Variants in KCND2 observed in about 807,000 individuals in gnomAD.
The protein encoded by KCND2 is potassium voltage-gated channel subfamily D member 2, also known as A-type voltage-gated potassium channel KCND2.
Under a neutral mutation model 54.4 loss-of-function variants are expected in KCND2, and 16 were observed. That is an observed-to-expected ratio of 0.29 (90% CI 0.20 to 0.45). The LOEUF (loss-of-function observed/expected upper bound fraction) is 0.45. KCND2 is among the 20% of genes least tolerant of loss of function. The probability of loss-of-function intolerance (pLI) is 1.00; values close to 1 mark genes in which losing one functional copy is unlikely to be tolerated. For missense variants in KCND2, 486 were observed against 824.2 expected (o/e 0.59, Z 5.02); for synonymous variants, 317 against 310.7 (o/e 1.02, Z -0.21).
intron 1 of KCND2, among the ~76,000 whole-genome samples, chr7:120,711,424 A>G (rs1317570772): frequency 6.6e-6 from 1 of 152,204 alleles, no homozygotes; most frequent in Non-Finnish European, 1.5e-5. Context: ...AAAGATGCTT[A>G]AAGCAGTTTA....
chr7:120,731,724 AAG>A (rs1419122448), intron 1 of KCND2, among the ~76,000 whole-genome samples: 2 of 152,230 alleles, frequency 1.3e-5, no homozygotes, highest in Non-Finnish European at 2.9e-5. Flanking sequence ...TGGCTCTGGC[AAG>A]AAATGACCAC....
intron 1 of KCND2, among the ~76,000 whole-genome samples, chr7:120,605,814 A>T (rs1481165257): frequency 6.6e-6 from 1 of 152,150 alleles, no homozygotes; most frequent in Non-Finnish European, 1.5e-5. Flanking sequence ...TGTCCTTATG[A>T]CTAATGATAT....
At chr7:120,383,585 A>G (rs1341134106) in intron 1 of KCND2, among the ~76,000 whole-genome samples, 1 of 152,080 alleles carries the variant, frequency 6.6e-6, no homozygotes, top group Non-Finnish European at 1.5e-5. Flanking sequence ...AATGAGCAAG[A>G]GGTCTTAACT....
intron 2 of KCND2, 136 bp from the exon 3 acceptor site, chr7:120,741,398 T>C: frequency 1.5e-6 from 1 of 687,224 alleles, no homozygotes; most frequent in South Asian, 1.6e-5. Flanking sequence ...AGAGGTAATT[T>C]TCAATAGTTG....
At chr7:120,741,735 T>G (rs991231690) in intron 3 of KCND2, 106 bp downstream of exon 3, 1 of 803,084 alleles carries the variant, frequency 1.2e-6, no homozygotes, top group African/African-American at 1.7e-5. Flanking sequence ...ACAATGGCTA[T>G]CCAAACAACA....
chr7:120,426,614 G>C (rs1372937293), intron 1 of KCND2, among the ~76,000 whole-genome samples: 5 of 127,768 alleles, frequency 3.9e-5, no homozygotes, highest in Non-Finnish European at 8.0e-5. Flanking sequence ...TTTTGAGATG[G>C]AGTCTCGCTC....
At chr7:120,316,061 A>C (rs914204063) in intron 1 of KCND2, among the ~76,000 whole-genome samples, 1 of 152,198 alleles carries the variant, frequency 6.6e-6, no homozygotes, top group Non-Finnish European at 1.5e-5. Context: ...AAAAGGTGGA[A>C]ATATTTGTTT....
chr7:120,450,647 T>TG (rs1293398895), intron 1 of KCND2, among the ~76,000 whole-genome samples: 8 of 152,196 alleles, frequency 5.3e-5, no homozygotes, highest in African/African-American at 1.9e-4. Context: ...CCATGCCACA[T>TG]GATCTGACTT....
intron 1 of KCND2, among the ~76,000 whole-genome samples, chr7:120,695,359 A>G (rs1196186529): frequency 6.6e-6 from 1 of 152,144 alleles, no homozygotes; most frequent in Admixed American, 6.5e-5. Flanking sequence ...CTTAATTATA[A>G]GAAATATTTG....
At chr7:120,678,799 C>G (rs1032076680) in intron 1 of KCND2, among the ~76,000 whole-genome samples, 14 of 146,098 alleles carry the variant, frequency 9.6e-5, no homozygotes, top group African/African-American at 3.2e-4. Flanking sequence ...CACACATTCT[C>G]TATCAATGAG....
chr7:120,736,382 T>TGACA (rs113041030), intron 2 of KCND2, among the ~76,000 whole-genome samples: 11,894 of 151,954 alleles, frequency 0.078, 999 homozygotes, highest in African/African-American at 0.22. Context: ...GCCTAAACTG[T>TGACA]GACACCTCTC....
intron 1 of KCND2, among the ~76,000 whole-genome samples, chr7:120,661,816 T>C (rs1791869548): frequency 6.6e-6 from 1 of 152,176 alleles, no homozygotes; most frequent in Non-Finnish European, 1.5e-5. Context: ...GTTGAAATAG[T>C]GCCTGGAATG....
chr7:120,597,571 T>A (rs1043168015), intron 1 of KCND2, among the ~76,000 whole-genome samples: 1 of 152,148 alleles, frequency 6.6e-6, no homozygotes, highest in Non-Finnish European at 1.5e-5. Context: ...AATGGCCAAT[T>A]AAAGTGCATC....
intron 1 of KCND2, among the ~76,000 whole-genome samples, chr7:120,668,205 T>C (rs902950084): frequency 6.6e-6 from 1 of 151,998 alleles, no homozygotes; most frequent in Admixed American, 6.6e-5. Flanking sequence ...CTCAAAAAAT[T>C]TCACACGTCG....
chr7:120,561,801 G>A (rs564848632), intron 1 of KCND2, among the ~76,000 whole-genome samples: 2 of 151,776 alleles, frequency 1.3e-5, no homozygotes, highest in East Asian at 3.9e-4. Context: ...TAGTAGAGAC[G>A]GGGCTTCACC....
chr7:120,625,029 T>G (rs1358069916), intron 1 of KCND2, among the ~76,000 whole-genome samples: 3 of 152,206 alleles, frequency 2.0e-5, no homozygotes, highest in African/African-American at 7.2e-5. Flanking sequence ...AGTATCTAAT[T>G]GCAATTTTGC....
At chr7:120,484,995 T>C (rs1356509728) in intron 1 of KCND2, among the ~76,000 whole-genome samples, 1 of 152,112 alleles carries the variant, frequency 6.6e-6, no homozygotes, top group East Asian at 1.9e-4. Flanking sequence ...CAAGTGATCC[T>C]CCTGCCTCAG....
intron 1 of KCND2, among the ~76,000 whole-genome samples, chr7:120,322,079 A>G (rs1799899617): frequency 6.6e-6 from 1 of 152,088 alleles, no homozygotes; most frequent in African/African-American, 2.4e-5. Context: ...TGTATTAAAA[A>G]CAAAGTAAAA....
chr7:120,331,836 A>G (rs775324460), intron 1 of KCND2, among the ~76,000 whole-genome samples: 2 of 152,102 alleles, frequency 1.3e-5, no homozygotes, highest in Non-Finnish European at 2.9e-5. Flanking sequence ...TGTTTGCTGC[A>G]TATTGTGTCA....
Sources: gnomAD v4.1 joint callset for allele counts (sites outside exome capture counted in the v4.1 genomes callset) on GRCh38, gnomAD v4.1.1 for gene constraint, MANE v1.5 for transcripts, NCBI Gene and HGNC (gene_info 2026-07-23, HGNC 2026-07-21) for gene names.